The following TMEM132D variants were observed in gnomAD, a reference collection of about 807,000 sequenced individuals.
TMEM132D encodes the protein transmembrane protein 132D.
A neutral mutation model predicts 62.3 loss-of-function variants in TMEM132D; 21 were observed. The observed-to-expected ratio is 0.34, with a 90% CI of 0.24 to 0.49. The LOEUF is 0.49. Ranked by LOEUF, TMEM132D falls within the 20% of genes least tolerant of loss-of-function variation. The probability of loss-of-function intolerance (pLI) is 0.99; values close to 1 mark genes in which losing one functional copy is unlikely to be tolerated. For missense variants in TMEM132D, 1,346 were observed against 1,402.8 expected, an observed-to-expected ratio of 0.96 and a Z score of 0.65; for synonymous variants, 621 against 575.6, an observed-to-expected ratio of 1.08 and a Z score of -1.13.
At chr12:129,477,710 A>G (rs1874309616) in intron 3 of TMEM132D, among the ~76,000 whole-genome samples, 1 of 152,114 alleles carries the variant, frequency 6.6e-6, no homozygotes, top group Non-Finnish European at 1.5e-5. Context: ...AGTCCCAGCT[A>G]CTGGGGAGGC....
intron 1 of TMEM132D, among the ~76,000 whole-genome samples, chr12:129,769,774 G>T (rs1870672736): frequency 6.6e-6 from 1 of 152,120 alleles, no homozygotes. Flanking sequence ...CTATTAAGGG[G>T]TGTTTATCCA....
intron 1 of TMEM132D, among the ~76,000 whole-genome samples, chr12:129,761,458 C>G (rs1870374817): frequency 6.6e-6 from 1 of 152,178 alleles, no homozygotes; most frequent in Non-Finnish European, 1.5e-5. Flanking sequence ...AAGGAGTTGG[C>G]AGAACGAGCC....
chr12:129,619,911 A>T (rs1310374046), intron 2 of TMEM132D, among the ~76,000 whole-genome samples: 1 of 152,192 alleles, frequency 6.6e-6, no homozygotes, highest in Non-Finnish European at 1.5e-5. Flanking sequence ...GGATATGAAA[A>T]CCAGAGCTTG....
At chr12:129,737,743 A>G (rs935756728) in intron 1 of TMEM132D, among the ~76,000 whole-genome samples, 1 of 152,258 alleles carries the variant, frequency 6.6e-6, no homozygotes, top group African/African-American at 2.4e-5. Flanking sequence ...TAAACAAAAT[A>G]TAGACGTTTT....
At chr12:129,701,873 G>C (rs1379076664) in intron 1 of TMEM132D, among the ~76,000 whole-genome samples, 2 of 152,196 alleles carry the variant, frequency 1.3e-5, no homozygotes, top group African/African-American at 4.8e-5. Flanking sequence ...CTGGAAGCCT[G>C]ATGCCTTCCC....
chr12:129,461,560 T>G (rs144651146), intron 3 of TMEM132D, among the ~76,000 whole-genome samples: 3 of 152,258 alleles, frequency 2.0e-5, no homozygotes, highest in African/African-American at 7.2e-5. Context: ...ATCTCATCAT[T>G]GTTTTGACTT....
At chr12:129,646,425 C>G (rs1344731095) in intron 2 of TMEM132D, among the ~76,000 whole-genome samples, 1 of 152,160 alleles carries the variant, frequency 6.6e-6, no homozygotes, top group Non-Finnish European at 1.5e-5. Flanking sequence ...GCCATTGCAT[C>G]AGCACCTCCT....
intron 2 of TMEM132D, among the ~76,000 whole-genome samples, chr12:129,573,297 T>C (rs1877569765): frequency 6.6e-6 from 1 of 152,150 alleles, no homozygotes; most frequent in East Asian, 1.9e-4. Flanking sequence ...CAGGGAGAGC[T>C]GAGATGAAAG....
At chr12:129,192,669 C>G (rs1212933433) in intron 5 of TMEM132D, among the ~76,000 whole-genome samples, 1 of 152,138 alleles carries the variant, frequency 6.6e-6, no homozygotes, top group Non-Finnish European at 1.5e-5. Context: ...ACAGGGCTGG[C>G]TGGGTACTAA....
At chr12:129,553,711 T>A (rs1466683939) in intron 2 of TMEM132D, among the ~76,000 whole-genome samples, 1 of 152,216 alleles carries the variant, frequency 6.6e-6, no homozygotes, top group Admixed American at 6.5e-5. Context: ...GCACTCATCT[T>A]CCTTTCATCT....
chr12:129,238,080 C>G (rs561903160), intron 4 of TMEM132D, among the ~76,000 whole-genome samples: 1 of 152,134 alleles, frequency 6.6e-6, no homozygotes, highest in Non-Finnish European at 1.5e-5. Flanking sequence ...ACCACCATCC[C>G]CATATCAAAT....
At chr12:129,818,936 G>C (rs1872458205) in intron 1 of TMEM132D, among the ~76,000 whole-genome samples, 2 of 151,984 alleles carry the variant, frequency 1.3e-5, no homozygotes, top group South Asian at 4.1e-4. Flanking sequence ...TCAGGAGGCT[G>C]AGGTGGGAGG....
intron 3 of TMEM132D, among the ~76,000 whole-genome samples, chr12:129,527,787 G>A (rs879613420): frequency 5.3e-5 from 8 of 152,148 alleles, no homozygotes; most frequent in Non-Finnish European, 1.0e-4. Context: ...TGCAGGCAAC[G>A]CTTAATCAAA....
chr12:129,676,077 T>C (rs937952442), intron 2 of TMEM132D, among the ~76,000 whole-genome samples: 2 of 152,130 alleles, frequency 1.3e-5, no homozygotes, highest in African/African-American at 4.8e-5. Context: ...GCCTCGAGAA[T>C]ATGCAAGGAA....
chr12:129,629,904 G>T (rs916278923), intron 2 of TMEM132D, among the ~76,000 whole-genome samples: 2 of 152,094 alleles, frequency 1.3e-5, no homozygotes, highest in African/African-American at 2.4e-5. Flanking sequence ...ATGTGGATCT[G>T]GTAAAATTAT....
chr12:129,569,745 T>C (rs1877460001), intron 2 of TMEM132D, among the ~76,000 whole-genome samples: 1 of 152,188 alleles, frequency 6.6e-6, no homozygotes, highest in Admixed American at 6.5e-5. Flanking sequence ...AGCCTAATTC[T>C]ACCCAGCTCT....
intron 3 of TMEM132D, among the ~76,000 whole-genome samples, chr12:129,422,455 TTTCTCA>T (rs1362119433): frequency 1.3e-5 from 2 of 152,220 alleles, no homozygotes; most frequent in African/African-American, 4.8e-5. Context: ...AAGAATGCTC[TTTCTCA>T]TCAGTGGTCA....
At chr12:129,694,825 G>C (rs1425600613) in intron 2 of TMEM132D, among the ~76,000 whole-genome samples, 1 of 152,180 alleles carries the variant, frequency 6.6e-6, no homozygotes, top group African/African-American at 2.4e-5. Flanking sequence ...TGGCTAACAA[G>C]GTGAAACCCC....
chr12:129,643,659 A>G (rs757946751), intron 2 of TMEM132D, among the ~76,000 whole-genome samples: 1 of 152,100 alleles, frequency 6.6e-6, no homozygotes, highest in Non-Finnish European at 1.5e-5. Flanking sequence ...GCCCCATTCT[A>G]TTCAAAGTCC....
Sources: allele counts gnomAD v4.1 joint callset (sites outside exome capture counted in the v4.1 genomes callset), GRCh38; gene constraint gnomAD v4.1.1; transcripts MANE v1.5; gene names NCBI Gene and HGNC (gene_info 2026-07-23, HGNC 2026-07-21).